Variants in MSI2 observed in about 807,000 individuals in gnomAD.
MSI2 encodes the protein RNA-binding protein Musashi homolog 2.
In MSI2, 17 loss-of-function variants were observed where a neutral mutation model predicts 45.6. The observed-to-expected ratio is 0.37, with a 90% CI of 0.26 to 0.56. MSI2 has a LOEUF of 0.56. Among genes scored for constraint, MSI2 ranks in the 20% least tolerant of loss-of-function variants. The pLI, the probability that MSI2 is intolerant of heterozygous loss-of-function variation, is 0.77. For missense variants in MSI2, 293 were observed against 444.2 expected (o/e 0.66, Z 3.06); for synonymous variants, 156 against 158.2 (o/e 0.99, Z 0.11).
intron 5 of MSI2, among the ~76,000 whole-genome samples, chr17:57,290,924 T>TG (rs1051546902): frequency 3.9e-5 from 6 of 152,180 alleles, no homozygotes; most frequent in Non-Finnish European, 5.9e-5. Flanking sequence ...CTGCCCACGC[T>TG]GGGGGGCCTG....
chr17:57,347,981 G>A (rs1269358271), intron 5 of MSI2, among the ~76,000 whole-genome samples: 2 of 152,240 alleles, frequency 1.3e-5, no homozygotes, highest in African/African-American at 2.4e-5. Flanking sequence ...GGAGCTCACA[G>A]GTCATTTGCA....
At chr17:57,533,302 A>G (rs1309944951) in intron 7 of MSI2, among the ~76,000 whole-genome samples, 1 of 152,198 alleles carries the variant, frequency 6.6e-6, no homozygotes, top group Admixed American at 6.5e-5. Flanking sequence ...CCACCCTGCA[A>G]GCAGGAAGAG....
At chr17:57,554,241 G>GA (rs2087377329) in intron 7 of MSI2, among the ~76,000 whole-genome samples, 1 of 151,940 alleles carries the variant, frequency 6.6e-6, no homozygotes, top group Non-Finnish European at 1.5e-5. Flanking sequence ...GCGGGGGAGG[G>GA]GGGGGATGGT....
chr17:57,371,227 T>G (rs1273187499), intron 5 of MSI2, among the ~76,000 whole-genome samples: 1 of 152,210 alleles, frequency 6.6e-6, no homozygotes, highest in East Asian at 1.9e-4. Context: ...GTTGTAATGT[T>G]TATTCCATTC....
intron 9 of MSI2, among the ~76,000 whole-genome samples, chr17:57,617,613 A>AAG (rs1289352397): frequency 6.8e-6 from 1 of 147,882 alleles, no homozygotes; most frequent in African/African-American, 2.5e-5. Context: ...AAGAAACTCT[A>AAG]AGCTGGTAGT....
At chr17:57,619,061 T>A (rs1039577010) in intron 9 of MSI2, among the ~76,000 whole-genome samples, 2 of 152,198 alleles carry the variant, frequency 1.3e-5, no homozygotes, top group African/African-American at 4.8e-5. Flanking sequence ...GAACTGGTTT[T>A]CATCTGGGAG....
At chr17:57,358,146 G>GT (rs1271657373) in intron 5 of MSI2, among the ~76,000 whole-genome samples, 3 of 152,126 alleles carry the variant, frequency 2.0e-5, no homozygotes, top group Non-Finnish European at 4.4e-5. Flanking sequence ...TCAGTGAAAA[G>GT]TTGAGGGCAG....
intron 6 of MSI2, among the ~76,000 whole-genome samples, chr17:57,506,560 G>A (rs62058065): frequency 2.0e-3 from 312 of 152,226 alleles, no homozygotes; most frequent in Non-Finnish European, 3.9e-3. Context: ...TCATCTCACC[G>A]TCCCCGAGAA....
chr17:57,588,656 CA>C (rs1253595452), intron 7 of MSI2, among the ~76,000 whole-genome samples: 1 of 152,206 alleles, frequency 6.6e-6, no homozygotes, highest in East Asian at 1.9e-4. Context: ...GGGAAGCCAA[CA>C]TAGAGCTGGA....
intron 6 of MSI2, among the ~76,000 whole-genome samples, chr17:57,424,667 C>A (rs920684004): frequency 4.0e-5 from 6 of 151,878 alleles, no homozygotes; most frequent in Non-Finnish European, 8.8e-5. Flanking sequence ...GGGGTGGCTT[C>A]CATATTGGTT....
intron 6 of MSI2, among the ~76,000 whole-genome samples, chr17:57,507,399 C>T (rs1266457090): frequency 6.6e-6 from 1 of 152,092 alleles, no homozygotes; most frequent in African/African-American, 2.4e-5. Flanking sequence ...TGCCTTTGCT[C>T]TGCGCAGTTT....
intron 5 of MSI2, among the ~76,000 whole-genome samples, chr17:57,274,098 T>G (rs951300352): frequency 6.6e-6 from 1 of 152,176 alleles, no homozygotes; most frequent in Non-Finnish European, 1.5e-5. Flanking sequence ...AGAGAAATCA[T>G]GAAACCAGCT....
chr17:57,286,152 G>T, intron 5 of MSI2: 1 of 548,128 alleles, frequency 1.8e-6, no homozygotes, highest in Non-Finnish European at 2.9e-6. Flanking sequence ...GATTTTGAGA[G>T]AATAATTTTC....
intron 7 of MSI2, among the ~76,000 whole-genome samples, chr17:57,535,772 C>G (rs2086908159): frequency 6.6e-6 from 1 of 152,204 alleles, no homozygotes; most frequent in African/African-American, 2.4e-5. Flanking sequence ...GAGGAGCATC[C>G]AGGCAGGTGG....
rs557627333 is a variant in MSI2, at chr17:57,473,452, T to C, written c.406-56224T>C. ...TCCAGCCCAGAGCCTTTGCCATGAG[T>C]AGAATTCATTGACGGCAAAAAGAAA... On this transcript the variant is annotated intron_variant, in intron 6 of 13. Coordinates refer to ENST00000284073, the MANE Select transcript of MSI2 (RefSeq NM_138962.4). Among the ~76,000 whole-genome samples the C allele has an allele frequency of 8.6e-4, 131 of 152,282 alleles. 2 individuals are homozygous for C. In the South Asian group the frequency reaches 8.9e-3, roughly 10 times the overall value.
chr17:57,307,501 C>T (rs753902205), intron 5 of MSI2, among the ~76,000 whole-genome samples: 1 of 151,800 alleles, frequency 6.6e-6, no homozygotes, highest in Non-Finnish European at 1.5e-5. Context: ...CTCAGCCCTC[C>T]GCAACCTCCA....
chr17:57,319,109 T>C (rs1014945969), intron 5 of MSI2, among the ~76,000 whole-genome samples: 3 of 152,222 alleles, frequency 2.0e-5, no homozygotes, highest in Non-Finnish European at 4.4e-5. Context: ...CCGGTGATTA[T>C]GCAGAGCAGG....
At chr17:57,522,206 A>G (rs1294371495) in intron 6 of MSI2, 1 of 141,416 alleles carries the variant, frequency 7.1e-6, no homozygotes, top group Non-Finnish European at 1.5e-5. Context: ...TTTACAGAGC[A>G]TAATGCCTGT....
At chr17:57,586,577 AT>A (rs2144396642) in intron 7 of MSI2, among the ~76,000 whole-genome samples, 1 of 152,166 alleles carries the variant, frequency 6.6e-6, no homozygotes, top group African/African-American at 2.4e-5. Flanking sequence ...TCGCGTAAGG[AT>A]TTGATTCGGG....
Sources: allele counts gnomAD v4.1 joint callset (sites outside exome capture counted in the v4.1 genomes callset), GRCh38; gene constraint gnomAD v4.1.1; transcripts MANE v1.5; gene names NCBI Gene and HGNC (gene_info 2026-07-23, HGNC 2026-07-21).